Variants in TMPRSS11D observed in about 807,000 individuals in gnomAD.
TMPRSS11D encodes the protein transmembrane serine protease 11D, also known as transmembrane protease serine 11D.
A neutral mutation model predicts 44.4 loss-of-function variants in TMPRSS11D; 32 were observed. The ratio of observed to expected loss-of-function variants is 0.72; its 90% CI spans 0.54 to 0.97. The LOEUF (loss-of-function observed/expected upper bound fraction) is 0.97. Among genes scored for constraint, TMPRSS11D ranks in the 50% least tolerant of loss-of-function variants. The pLI is 0.00. For synonymous variants in TMPRSS11D, 179 were observed against 177.9 expected, an observed-to-expected ratio of 1.01 and a Z score of -0.05; for missense variants, 446 against 502.6, an observed-to-expected ratio of 0.89 and a Z score of 1.08.
intron 6 of TMPRSS11D, among the ~76,000 whole-genome samples, chr4:67,834,686 A>T (rs933056797): frequency 1.3e-5 from 2 of 152,174 alleles, no homozygotes; most frequent in African/African-American, 2.4e-5. Flanking sequence ...ATTAACCTGA[A>T]TTCACAACAA....
intron 8 of TMPRSS11D, among the ~76,000 whole-genome samples, chr4:67,826,760 G>GAA (rs35777866): frequency 2.9e-3 from 369 of 125,816 alleles, no homozygotes; most frequent in Non-Finnish European, 3.9e-3. Context: ...CCTGTCTGTA[G>GAA]AAAAAAAAAA....
At chr4:67,825,115 T>C (rs1357941138) in intron 9 of TMPRSS11D, among the ~76,000 whole-genome samples, 1 of 152,056 alleles carries the variant, frequency 6.6e-6, no homozygotes, top group Non-Finnish European at 1.5e-5. Context: ...TGTTTCATTA[T>C]TGTAGGAGCT....
intron 2 of TMPRSS11D, among the ~76,000 whole-genome samples, chr4:67,857,118 A>T (rs1718656873): frequency 6.6e-6 from 1 of 152,032 alleles, no homozygotes; most frequent in African/African-American, 2.4e-5. Flanking sequence ...ATGATCCAGC[A>T]ATCCCACTAC....
At position 67,822,476 on chromosome 4, in the gene TMPRSS11D, A is replaced by G; in HGVS notation, c.1118T>C (p.Val373Ala). The G allele has an allele frequency of 1.2e-6, 2 of 1,613,904 alleles. No individual in the cohort carries two copies. Among genetic ancestry groups the G allele is most frequent in the Non-Finnish European group, 1.7e-6 (2 of 1,179,866 alleles). The change falls in exon 10 of 10, where the codon GTA (valine) becomes GCA (alanine). Residue 373 changes from valine (V) to alanine (A), a missense_variant. Val to Ala is a moderately conservative substitution (Grantham distance 64, BLOSUM62 0). Coordinates refer to ENST00000283916, the MANE Select transcript of TMPRSS11D (RefSeq NM_004262.3). The stretch of plus-strand genomic sequence containing the variant: ...CCAAAGCCGCCGTGAGTCTTCTTGT[A>G]CTAGTGGGCCACCAGAGTCACCCTG... ...ACQGDSGGPL[V>A]QEDSRRLWFI...
At chr4:67,853,326 C>A (rs1017390196) in intron 3 of TMPRSS11D, among the ~76,000 whole-genome samples, 27 of 152,244 alleles carry the variant, frequency 1.8e-4, no homozygotes, top group African/African-American at 6.5e-4. Flanking sequence ...AAGGAATATT[C>A]CAGAAAATGT....
chr4:67,820,987 T>C lies in TMPRSS11D; in HGVS notation c.*1350A>G, dbSNP rs1717616988. On this transcript the variant is annotated 3_prime_UTR_variant, in exon 10 of 10. Coordinates refer to ENST00000283916, the MANE Select transcript of TMPRSS11D (RefSeq NM_004262.3). ...CTTTCCCTAAAAGTAGATGGCTTTATTGTAGGTGTTTGCACAATTTTACAT... is the reference window on the plus strand; with the variant it reads ...CTTTCCCTAAAAGTAGATGGCTTTACTGTAGGTGTTTGCACAATTTTACAT... The C allele has an allele frequency of 6.6e-6, 1 of 152,232 alleles. No individual in the cohort carries two copies. Among genetic ancestry groups the C allele is most frequent in the South Asian group, 2.1e-4 (1 of 4,834 alleles). 9.4% of individuals were successfully genotyped at this position (152,232 alleles called of 1,614,324 possible). A position where few individuals can be genotyped will look rare whatever the true frequency, so the allele number is the denominator to read the frequency against.
intron 1 of TMPRSS11D, among the ~76,000 whole-genome samples, chr4:67,880,403 C>A (rs1394741018): frequency 3.6e-4 from 55 of 151,702 alleles, no homozygotes; most frequent in Non-Finnish European, 8.8e-5. Context: ...AGAAATGACA[C>A]AATAGCTGGA....
chr4:67,850,592 G>T lies in TMPRSS11D; in HGVS notation c.249+3476C>A, dbSNP rs12643870. 6.6e-5 allele frequency among the ~76,000 whole-genome samples: 10 copies of T among 152,264 alleles called. No homozygotes were observed. The East Asian group carries it at 1.7e-3, about 27-fold the overall frequency. On this transcript the variant is annotated intron_variant, in intron 3 of 9. Transcript: ENST00000283916. ...CACCCCAGGGAAGCGCAGCAGCAAG[G>T]GCTCGGTGCCAGCTCTGGTGGGGTG... is the stretch of plus-strand genomic sequence containing the variant.
At chr4:67,846,038 A>G (rs1718347693) in intron 3 of TMPRSS11D, among the ~76,000 whole-genome samples, 1 of 152,188 alleles carries the variant, frequency 6.6e-6, no homozygotes, top group Non-Finnish European at 1.5e-5. Flanking sequence ...TCATATTATT[A>G]GAATAGAAGT....
At position 67,883,990 on chromosome 4, in the gene TMPRSS11D, C is replaced by A; in HGVS notation, c.-57G>T. The A allele has an allele frequency of 6.6e-7, 1 of 1,515,440 alleles. No individual in the cohort carries two copies. The highest frequency in any genetic ancestry group is 2.3e-5 in the East Asian group (1 of 43,326). The allele number at this position is 1,515,440 out of a possible 1,614,324, so 93.9% of individuals were successfully genotyped here. The stretch of plus-strand genomic sequence containing the variant: ...GCCTACTCAACTGCTTTGAGATTCC[C>A]ACTCAAATGAATGACTCTCATGTAT... On this transcript the variant is annotated 5_prime_UTR_variant, in exon 1 of 10. Transcript: ENST00000283916.
intron 1 of TMPRSS11D, among the ~76,000 whole-genome samples, chr4:67,866,393 T>C (rs1718926630): frequency 6.6e-6 from 1 of 151,990 alleles, no homozygotes; most frequent in Admixed American, 6.6e-5. Flanking sequence ...AACATCATAC[T>C]GTACAGGGAA....
Position 67,833,209 on chromosome 4 carries a change from G to A in TMPRSS11D, c.687C>T (p.Phe229=), listed in dbSNP as rs114503550. The A allele has an allele frequency of 6.7e-7, 1 of 1,483,734 alleles. No homozygotes were observed. Among genetic ancestry groups the A allele is most frequent in the East Asian group, 2.6e-5 (1 of 38,594 alleles). The allele number at this position is 1,483,734 out of a possible 1,614,324, so 91.9% of individuals were successfully genotyped here. ...NMWILTAAHC[F]RSNSNPRDWI... The stretch of plus-strand genomic sequence containing the variant: ...GTAGGTAGTGGTGGCCTCACCTTCT[G>A]AAGCAGTGAGCTGCTGTCAGGATCC... The change falls in exon 7 of 10, where the codon TTC becomes TTT. Residue 229 remains phenylalanine, a synonymous_variant. Transcript: ENST00000283916.
chr4:67,859,021 A>G (rs896235639), intron 2 of TMPRSS11D, among the ~76,000 whole-genome samples: 1 of 152,164 alleles, frequency 6.6e-6, no homozygotes, highest in African/African-American at 2.4e-5. Context: ...CCCTTTTAAC[A>G]TCTCAACTGA....
Position 67,859,696 on chromosome 4 carries a change from T to C in TMPRSS11D, c.9-18A>G. 1.2e-6 allele frequency: 2 copies of C among 1,600,014 alleles called. No individual in the cohort carries two copies. Among genetic ancestry groups the C allele is most frequent in the Non-Finnish European group, 8.5e-7 (1 of 1,170,304 alleles). ...GTGCTGGCCTTACAAGAGAGAGAGA[T>C]CAAAGAAAGTCATTCATTTCACTGA... is the stretch of plus-strand genomic sequence containing the variant. On this transcript the variant is annotated intron_variant, in intron 1 of 9. Transcript: ENST00000283916.
At chr4:67,869,384 T>C (rs1487101467) in intron 1 of TMPRSS11D, among the ~76,000 whole-genome samples, 1 of 152,120 alleles carries the variant, frequency 6.6e-6, no homozygotes, top group African/African-American at 2.4e-5. Context: ...AGGTATCTAG[T>C]AATAAGAAGA....
intron 1 of TMPRSS11D, among the ~76,000 whole-genome samples, chr4:67,863,376 A>AT (rs1424281765): frequency 1.3e-5 from 2 of 150,930 alleles, no homozygotes; most frequent in East Asian, 1.9e-4. Context: ...CGAACGTGGT[A>AT]TTTTTTCTCC....
chr4:67,835,194 C>T (rs373636145), intron 5 of TMPRSS11D, 73 bp from the exon 6 acceptor site: 1 of 1,376,444 alleles, frequency 7.3e-7, no homozygotes. Context: ...TCTTAAAGTA[C>T]AGTACCCAGA....
chr4:67,846,898 A>G (rs918978325), intron 3 of TMPRSS11D, among the ~76,000 whole-genome samples: 4 of 107,892 alleles, frequency 3.7e-5, no homozygotes, highest in Non-Finnish European at 7.6e-5. Context: ...CATGAATTTT[A>G]TCTAAAAAGT....
In TMPRSS11D at chr4:67,822,345, C is replaced by T. The variant is rs111718677; in HGVS notation, c.1249G>A (p.Gly417Arg). 1 of 1,613,682 alleles carries T rather than the reference C, an allele frequency of 6.2e-7. No homozygotes were observed. Among genetic ancestry groups the T allele is most frequent in the Non-Finnish European group, 8.5e-7 (1 of 1,179,702 alleles). Residue 417 changes from glycine to arginine, a missense_variant, in exon 10 of 10, where the codon GGG becomes AGG. Gly to Arg is a moderately radical substitution (Grantham distance 125). Transcript: ENST00000283916. ...GGGATGCACTTGTTGCACTAGATCC[C>T]AGTTTGTTGCCTAATCCAGTCAAGG... ...AYLDWIRQQT[G>R]I is the part of the protein sequence containing the mutation.
Sources: allele counts gnomAD v4.1 joint callset (sites outside exome capture counted in the v4.1 genomes callset), GRCh38; gene constraint gnomAD v4.1.1; transcripts MANE v1.5; gene names NCBI Gene and HGNC (gene_info 2026-07-23, HGNC 2026-07-21).